KHNYN: variants seen among roughly 807,000 people sequenced by gnomAD.
KHNYN encodes KH and NYN domain containing, also known as protein KHNYN.
In KHNYN, 42 loss-of-function variants were observed where a neutral mutation model predicts 62.7. That is an observed-to-expected ratio of 0.67 (90% CI 0.52 to 0.87). The LOEUF (loss-of-function observed/expected upper bound fraction) is 0.87. Ranked by LOEUF, KHNYN falls within the 40% of genes least tolerant of loss-of-function variation. The pLI is 0.00. For missense variants in KHNYN, 829 were observed against 874.1 expected (o/e 0.95, Z 0.65); for synonymous variants, 347 against 345.6 (o/e 1.00, Z -0.04).
upstream of KHNYN, among the ~76,000 whole-genome samples, chr14:24,426,108 C>T (rs2043017763): frequency 6.6e-6 from 1 of 152,212 alleles, no homozygotes. Flanking sequence ...TGACTTCTTC[C>T]TTTTTGAATA....
chr14:24,440,539 G>T lies in KHNYN; in HGVS notation c.*3254G>T. 1 of 1,552,938 alleles carries T rather than the reference G, an allele frequency of 6.4e-7. No homozygotes were observed. Among genetic ancestry groups the T allele is most frequent in the East Asian group, 2.4e-5 (1 of 41,666 alleles). ...GTACAGGGGTCCTCTCAGCCTTGAA[G>T]GAGCCCACTGCTCCTCCTGGTTTCT... On this transcript the variant is annotated 3_prime_UTR_variant, in exon 8 of 8. Transcript: ENST00000553935.
rs755691962 is a variant in KHNYN, at chr14:24,431,878, T to G, written c.617T>G (p.Leu206Arg). Reference sequence around the variant, plus strand: ...TCTAGTGGGCAGGGGCCAGGAGCACTGGCTTCTTGGGAGGGGCGGAGCTCA... The same window carrying G: ...TCTAGTGGGCAGGGGCCAGGAGCACGGGCTTCTTGGGAGGGGCGGAGCTCA... The part of the protein sequence containing the change: ...EASSGQGPGA[L>R]ASWEGRSSAL... Residue 206 changes from leucine to arginine, a missense_variant, in exon 3 of 8, where the codon CTG becomes CGG. This residue lies in a region of KHNYN where 559 missense variants were observed against 527.0 expected (regional missense o/e 1.06). Transcript: ENST00000553935. The G allele has an allele frequency of 3.1e-6, 5 of 1,613,914 alleles. No individual in the cohort carries two copies. Among genetic ancestry groups the G allele is most frequent in the East Asian group, 2.2e-5 (1 of 44,898 alleles).
chr14:24,423,353 AC>A, the KHNYN span, among the ~76,000 whole-genome samples: 1 of 152,112 alleles, frequency 6.6e-6, no homozygotes, highest in East Asian at 1.9e-4. Flanking sequence ...AAGGAGAGTG[AC>A]AGATGACAGG....
rs2043198461 is a variant in KHNYN at position 24,436,040 on chromosome 14, C to A, written c.1578-32C>A. The A allele has an allele frequency of 3.2e-6, 5 of 1,561,712 alleles. No homozygotes were observed. In the East Asian group the frequency reaches 1.1e-4, roughly 35 times the overall value. Reference sequence around the variant, plus strand: ...TTGTACCCAGTAGGTAATTTTTCAACCCTCTCTCGGTTGCTGTGGTTTTGG... The same window carrying A: ...TTGTACCCAGTAGGTAATTTTTCAAACCTCTCTCGGTTGCTGTGGTTTTGG... On this transcript the variant is annotated intron_variant, in intron 5 of 7. Coordinates refer to ENST00000553935, the MANE Select transcript of KHNYN (RefSeq NM_015299.3).
At position 24,441,629 on chromosome 14, in the gene KHNYN, C is replaced by T. The variant is rs745889292; in HGVS notation, c.*4344C>T. The T allele has an allele frequency of 3.0e-5, 46 of 1,524,160 alleles. No homozygotes were observed. In the East Asian group the frequency reaches 7.9e-4, roughly 26 times the overall value. The allele number at this position is 1,524,160 out of a possible 1,614,324, so 94.4% of individuals were successfully genotyped here. On this transcript the variant is annotated 3_prime_UTR_variant, in exon 8 of 8. Coordinates refer to ENST00000553935, the MANE Select transcript of KHNYN (RefSeq NM_015299.3). ...ATAGCTACAGAGGTCTGAGTTACCC[C>T]GTTCCCCTGGCGAATATAAGGGGCT... is the stretch of plus-strand genomic sequence containing the variant.
intron 7 of KHNYN, 93 bp from the exon 8 acceptor site, chr14:24,436,943 G>A: frequency 6.7e-7 from 1 of 1,492,300 alleles, no homozygotes; most frequent in African/African-American, 1.4e-5. Flanking sequence ...CCAAAGCCAG[G>A]AATAGGCAGG....
rs777610443 is a variant in KHNYN, at chr14:24,432,321, C to T, written c.1060C>T (p.Pro354Ser). The T allele has an allele frequency of 2.5e-6, 4 of 1,613,966 alleles. No individual in the cohort carries two copies. The highest frequency in any genetic ancestry group is 2.7e-5 in the African/African-American group (2 of 74,918). The stretch of plus-strand genomic sequence containing the variant: ...GCGGCTCCACAATGGGAATGCCTCT[C>T]CTCCGAGGGTGCCCAGCCCTCCACC... ...LQRLHNGNAS[P>S]PRVPSPPPAP... Residue 354 changes from proline to serine, a missense_variant, in exon 3 of 8, where the codon CCT (proline) becomes TCT (serine). Pro to Ser is a moderately conservative substitution (Grantham distance 74). This residue lies in a region of KHNYN where 559 missense variants were observed against 527.0 expected (regional missense o/e 1.06). Transcript: ENST00000553935. This position sits in a 1 kb window ranked among gnomAD's most constrained non-coding sequence, Gnocchi z 5.6.
chr14:24,428,902 A>G (rs2043054531), upstream of KHNYN: 3 of 1,578,818 alleles, frequency 1.9e-6, no homozygotes, highest in East Asian at 2.4e-5. Flanking sequence ...CAGCTCGGCC[A>G]GGCTCACAGA....
chr14:24,437,147 G>A lies in KHNYN; in HGVS notation c.1899G>A (p.Arg633=). ...EKGSGGIRKT[R]ETERLRRQLL... is the part of the protein sequence containing the mutation. ...GTAGTGGTGGCATTCGGAAGACCCG[G>A]GAAACAGAGCGGCTCCGGCGGCAGC... The change falls in exon 8 of 8, where the codon CGG becomes CGA. Residue 633 remains arginine, a synonymous_variant. Coordinates refer to ENST00000553935, the MANE Select transcript of KHNYN (RefSeq NM_015299.3). This position sits in a 1 kb window ranked among gnomAD's most constrained non-coding sequence, Gnocchi z 5.5. 6.2e-7 allele frequency: 1 copy of A among 1,614,212 alleles called. No homozygotes were observed. Among genetic ancestry groups the A allele is most frequent in the Non-Finnish European group, 8.5e-7 (1 of 1,180,038 alleles).
At position 24,432,964 on chromosome 14, in the gene KHNYN, C is replaced by T. The variant is rs781419486; in HGVS notation, c.1509C>T (p.Ser503=). 24 of 1,614,030 alleles carry T rather than the reference C, an allele frequency of 1.5e-5. No homozygotes were observed. The highest frequency in any genetic ancestry group is 1.7e-6 in the Non-Finnish European group (2 of 1,180,020). ...RESHFLQKLY[S]LSLLSLTPSR... ...GTCACTTCCTGCAAAAGCTGTATTC[C>T]CTCAGCCTGCTCTCCCTCACACCCT... Residue 503 remains serine (S), a synonymous_variant, in exon 5 of 8, where the codon TCC becomes TCT. Transcript: ENST00000553935. The surrounding 1 kb of genome is among the most constrained non-coding windows in gnomAD (Gnocchi z 5.6).
rs141479682 is a variant in KHNYN, at chr14:24,432,340, C to T, written c.1079C>T (p.Pro360Leu). ...GNASPPRVPS[P>L]PPAPEPPWHC... ...GCCTCTCCTCCGAGGGTGCCCAGCCCTCCACCTGCACCGGAACCCCCATGG... is the reference window on the plus strand; with the variant it reads ...GCCTCTCCTCCGAGGGTGCCCAGCCTTCCACCTGCACCGGAACCCCCATGG... Residue 360 changes from proline to leucine, a missense_variant, in exon 3 of 8, where the codon CCT (proline) becomes CTT (leucine). Physicochemically the swap from Pro to Leu is moderately conservative, Grantham distance 98. Coordinates refer to ENST00000553935, the MANE Select transcript of KHNYN (RefSeq NM_015299.3). The surrounding 1 kb of genome is among the most constrained non-coding windows in gnomAD (Gnocchi z 5.6). 1.7e-4 allele frequency: 276 copies of T among 1,614,032 alleles called. 1 individual carries two copies. In the African/African-American group the frequency reaches 2.0e-3, roughly 12 times the overall value.
In KHNYN at chr14:24,432,489, G is replaced by A. The variant is rs1449325447; in HGVS notation, c.1228G>A (p.Val410Met). The change falls in exon 3 of 8, where the codon GTG (valine) becomes ATG (methionine). Residue 410 changes from valine (V) to methionine (M), a missense_variant. Val to Met is a conservative substitution (Grantham distance 21). Around this residue, in one of 2 missense-constraint regions of KHNYN, gnomAD observed 559 missense variants for 527.0 expected, o/e 1.06. Transcript: ENST00000553935. The surrounding 1 kb of genome is among the most constrained non-coding windows in gnomAD (Gnocchi z 5.6). ...WKRGARGGNL[V>M]TGTQRFKEAL... Reference sequence around the variant, plus strand: ...ACGAGGCGCCCGAGGGGGCAACTTGGTGACTGGCACACAGCGTTTCAAGGA... The same window carrying A: ...ACGAGGCGCCCGAGGGGGCAACTTGATGACTGGCACACAGCGTTTCAAGGA... The A allele has an allele frequency of 1.2e-6, 2 of 1,613,814 alleles. No homozygotes were observed. The highest frequency in any genetic ancestry group is 4.5e-5 in the East Asian group (2 of 44,868).
rs1215700930 is a variant in KHNYN, at chr14:24,432,882, G to A, written c.1480+30G>A. 2.5e-6 allele frequency: 4 copies of A among 1,614,074 alleles called. No individual in the cohort carries two copies. The highest frequency in any genetic ancestry group is 1.3e-5 in the African/African-American group (1 of 74,934). ...GTTGGGCCTGGTCTTCAGTGTCCCAGGATAGGCTCTGTTTCCACTTTGAGG... is the reference window on the plus strand; with the variant it reads ...GTTGGGCCTGGTCTTCAGTGTCCCAAGATAGGCTCTGTTTCCACTTTGAGG... On this transcript the variant is annotated intron_variant, in intron 4 of 7. Coordinates refer to ENST00000553935, the MANE Select transcript of KHNYN (RefSeq NM_015299.3). The surrounding 1 kb of genome is among the most constrained non-coding windows in gnomAD (Gnocchi z 5.6).
Position 24,437,435 on chromosome 14 carries a change from T to C in KHNYN, c.*150T>C. ...GGGAAGCCACTTTGGGACAGGTCCA[T>C]AAAGTGAACTGATCTTACCGAGTCA... On this transcript the variant is annotated 3_prime_UTR_variant, in exon 8 of 8. Transcript: ENST00000553935. This position sits in a 1 kb window ranked among gnomAD's most constrained non-coding sequence, Gnocchi z 5.5. 1 of 850,302 alleles carries C rather than the reference T, an allele frequency of 1.2e-6. No homozygotes were observed. The highest frequency in any genetic ancestry group is 1.8e-5 in the South Asian group (1 of 56,042). 52.7% of individuals were successfully genotyped at this position (850,302 alleles called of 1,614,324 possible).
At position 24,441,250 on chromosome 14, in the gene KHNYN, T is replaced by C. The variant is rs1231251657; in HGVS notation, c.*3965T>C. ...ATGCAAGTTACTTAACCTCTCTGTA[T>C]AGAATTTTCACATCTTTAAAATGGG... is the stretch of plus-strand genomic sequence containing the variant. On this transcript the variant is annotated 3_prime_UTR_variant, in exon 8 of 8. Coordinates refer to ENST00000553935, the MANE Select transcript of KHNYN (RefSeq NM_015299.3). 4 of 464,862 alleles carry C rather than the reference T, an allele frequency of 8.6e-6. No individual in the cohort carries two copies. Among genetic ancestry groups the C allele is most frequent in the African/African-American group, 2.0e-5 (1 of 50,826 alleles). The allele number at this position is 464,862 out of a possible 1,614,324, so 28.8% of individuals were successfully genotyped here. A position where few individuals can be genotyped will look rare whatever the true frequency, so the allele number is the denominator to read the frequency against.
upstream of KHNYN, among the ~76,000 whole-genome samples, chr14:24,425,289 C>T (rs2043008970): frequency 6.6e-6 from 1 of 152,228 alleles, no homozygotes; most frequent in South Asian, 2.1e-4. Context: ...CAACTTCTGG[C>T]TGGACATGGC....
In KHNYN at chr14:24,441,452, A is replaced by C. The variant is rs775202586; in HGVS notation, c.*4167A>C. On this transcript the variant is annotated 3_prime_UTR_variant, in exon 8 of 8. Coordinates refer to ENST00000553935, the MANE Select transcript of KHNYN (RefSeq NM_015299.3). Reference sequence around the variant, plus strand: ...AAGTAAGGGACTTTGGGATAGGTGGACTTTTCCCTGGCATTGAGTGATGCC... The same window carrying C: ...AAGTAAGGGACTTTGGGATAGGTGGCCTTTTCCCTGGCATTGAGTGATGCC... 1.7e-5 allele frequency: 9 copies of C among 521,490 alleles called. No homozygotes were observed. The highest frequency in any genetic ancestry group is 3.0e-5 in the Non-Finnish European group (9 of 299,638). The allele number at this position is 521,490 out of a possible 1,614,324, so 32.3% of individuals were successfully genotyped here.
In KHNYN at chr14:24,441,022, TA is replaced by T; in HGVS notation, c.*3738del. ...CCTTGGCCTCACCTTCTCTGGCCCT[TA>T]GGATCTCCCCATTTGGAGACAGAGC... is the stretch of plus-strand genomic sequence containing the variant. On this transcript the variant is annotated 3_prime_UTR_variant, in exon 8 of 8. Transcript: ENST00000553935. The T allele has an allele frequency of 7.6e-7, 1 of 1,317,958 alleles. No individual in the cohort carries two copies. Among genetic ancestry groups the T allele is most frequent in the Middle Eastern group, 1.8e-4 (1 of 5,544 alleles). 81.6% of individuals were successfully genotyped at this position (1,317,958 alleles called of 1,614,324 possible).
At chr14:24,424,044 T>TA in the KHNYN span, among the ~76,000 whole-genome samples, 1 of 152,236 alleles carries the variant, frequency 6.6e-6, no homozygotes, top group East Asian at 1.9e-4. Flanking sequence ...TCCTCCTAAA[T>TA]ATTTCAACTG....
Sources: allele counts gnomAD v4.1 joint callset (sites outside exome capture counted in the v4.1 genomes callset), GRCh38; gene constraint gnomAD v4.1.1; regional missense constraint gnomAD v4.1.1; non-coding constraint Gnocchi (gnomAD v3.1); transcripts MANE v1.5; gene names NCBI Gene and HGNC (gene_info 2026-07-23, HGNC 2026-07-21).